The following OXCT1 variants were observed in gnomAD, a reference collection of about 807,000 sequenced individuals.
The protein encoded by OXCT1 is 3-oxoacid CoA-transferase 1, also known as succinyl-CoA:3-ketoacid coenzyme A transferase 1, mitochondrial.
A neutral mutation model predicts 69.6 loss-of-function variants in OXCT1; 27 were observed. The ratio of observed to expected loss-of-function variants is 0.39; its 90% confidence interval spans 0.29 to 0.54. The LOEUF is 0.54. OXCT1 is among the 20% of genes least tolerant of loss of function. The probability of loss-of-function intolerance (pLI) is 0.72; values close to 1 mark genes in which losing one functional copy is unlikely to be tolerated. For missense variants in OXCT1, 437 were observed against 650.2 expected (o/e 0.67, Z 3.57); for synonymous variants, 202 against 217.8 (o/e 0.93, Z 0.64).
chr5:41,745,096 C>T (rs1743400938), intron 15 of OXCT1, among the ~76,000 whole-genome samples: 1 of 152,088 alleles, frequency 6.6e-6, no homozygotes, highest in Non-Finnish European at 1.5e-5. Flanking sequence ...ACAGAATATA[C>T]ATTATTTTCA....
At position 41,805,550 on chromosome 5, in the gene OXCT1, A is replaced by G. The variant is rs1263229065; in HGVS notation, c.955+17T>C. ...AAAGGCTATGTCTTTGCCCGGGCTC[A>G]GAAGGATAAAGGATACCATACATGC... On this transcript the variant is annotated intron_variant, in intron 9 of 16. Coordinates refer to ENST00000196371, the MANE Select transcript of OXCT1 (RefSeq NM_000436.4). 6.4e-7 allele frequency: 1 copy of G among 1,556,900 alleles called. No individual in the cohort carries two copies. The highest frequency in any genetic ancestry group is 1.4e-5 in the African/African-American group (1 of 73,750).
At chr5:41,811,475 G>T (rs1313751711) in intron 7 of OXCT1, among the ~76,000 whole-genome samples, 1 of 151,988 alleles carries the variant, frequency 6.6e-6, no homozygotes, top group Non-Finnish European at 1.5e-5. Flanking sequence ...AGGCAATGTA[G>T]AGAAAGAGGA....
Position 41,870,240 on chromosome 5 carries a change from G to A in OXCT1, c.78+41C>T, listed in dbSNP as rs768478900. 1.3e-6 allele frequency: 2 copies of A among 1,515,892 alleles called. No individual in the cohort carries two copies. Among genetic ancestry groups the A allele is most frequent in the South Asian group, 2.3e-5 (2 of 88,880 alleles). The allele number at this position is 1,515,892 out of a possible 1,614,324, so 93.9% of individuals were successfully genotyped here. A position where few individuals can be genotyped will look rare whatever the true frequency, so the allele number is the denominator to read the frequency against. On this transcript the variant is annotated intron_variant, in intron 1 of 16. Coordinates refer to ENST00000196371, the MANE Select transcript of OXCT1 (RefSeq NM_000436.4). This position sits in a 1 kb window ranked among gnomAD's most constrained non-coding sequence, Gnocchi z 4.2. ...GGGCACCACTCAGGGTTTGGTCCAC[G>A]TTCTTCCTGCCCATGGCCTTCCTCT...
intron 7 of OXCT1, among the ~76,000 whole-genome samples, chr5:41,818,871 C>A (rs1375195592): frequency 6.6e-6 from 1 of 151,512 alleles, no homozygotes; most frequent in Admixed American, 6.6e-5. Flanking sequence ...CTTTAAGATG[C>A]CTTCTTTTAG....
chr5:41,754,414 T>C (rs1288659193), intron 14 of OXCT1, among the ~76,000 whole-genome samples: 1 of 152,142 alleles, frequency 6.6e-6, no homozygotes, highest in Non-Finnish European at 1.5e-5. Context: ...CTGATGTAGC[T>C]GGATTATTTG....
At chr5:41,853,731 T>C (rs189587979) in intron 3 of OXCT1, 177 bp from the exon 4 acceptor site, 113 of 731,266 alleles carry the variant, frequency 1.5e-4, no homozygotes, top group Non-Finnish European at 2.4e-4. Flanking sequence ...TATCCTTTTA[T>C]TTTACAGTTG....
intron 15 of OXCT1, among the ~76,000 whole-genome samples, chr5:41,741,659 A>C (rs1283525759): frequency 6.6e-6 from 1 of 152,202 alleles, no homozygotes; most frequent in Non-Finnish European, 1.5e-5. Context: ...CCCCAGAAAC[A>C]CACATCGCTG....
intron 15 of OXCT1, among the ~76,000 whole-genome samples, chr5:41,747,599 T>C (rs1743560878): frequency 6.6e-6 from 1 of 151,792 alleles, no homozygotes; most frequent in Admixed American, 6.6e-5. Flanking sequence ...ATTAGCTAGA[T>C]TAGGGAAGAT....
intron 14 of OXCT1, among the ~76,000 whole-genome samples, chr5:41,753,940 A>G (rs994532137): frequency 6.6e-6 from 1 of 152,120 alleles, no homozygotes; most frequent in African/African-American, 2.4e-5. Flanking sequence ...CAGCACAGCT[A>G]GCAGAAGCAC....
chr5:41,745,795 T>C (rs1309497229), intron 15 of OXCT1, among the ~76,000 whole-genome samples: 1 of 151,992 alleles, frequency 6.6e-6, no homozygotes, highest in African/African-American at 2.4e-5. Flanking sequence ...AACTAGAAAG[T>C]CTAGAAGAAA....
intron 7 of OXCT1, 90 bp downstream of exon 7, chr5:41,840,360 TA>T: frequency 2.1e-6 from 2 of 955,148 alleles, no homozygotes; most frequent in Non-Finnish European, 3.4e-6. Context: ...TTGTTATCCA[TA>T]AAACAAATGA....
intron 14 of OXCT1, among the ~76,000 whole-genome samples, chr5:41,754,740 TAGAG>T (rs1374356727): frequency 1.3e-5 from 2 of 152,010 alleles, no homozygotes. Context: ...AGGACTTCAG[TAGAG>T]AGACTCAGCT....
chr5:41,801,135 A>C, intron 10 of OXCT1, 65 bp from the exon 11 acceptor site: 2 of 1,181,432 alleles, frequency 1.7e-6, no homozygotes, highest in Non-Finnish European at 2.5e-6. Flanking sequence ...TATTAGAACT[A>C]TAATATAAAT....
intron 16 of OXCT1, among the ~76,000 whole-genome samples, chr5:41,738,723 T>C (rs144277048): frequency 5.9e-5 from 9 of 152,372 alleles, no homozygotes; most frequent in African/African-American, 1.9e-4. Flanking sequence ...AGCTAGGTGA[T>C]TGATTTATGA....
Position 41,861,762 on chromosome 5 carries a change from G to A in OXCT1, c.188-358C>T, listed in dbSNP as rs1295215382. Among the ~76,000 whole-genome samples, 5 of 152,260 alleles carry A rather than the reference G, an allele frequency of 3.3e-5. No homozygotes were observed. The East Asian group carries it at 7.7e-4, about 24-fold the overall frequency. ...TCAAGAATGTTAATATGTCTGAGTA[G>A]ATTTTGCATAGTTGGAAGCCTAAGC... On this transcript the variant is annotated intron_variant, in intron 2 of 16. Coordinates refer to ENST00000196371, the MANE Select transcript of OXCT1 (RefSeq NM_000436.4).
chr5:41,800,243 A>G (rs192991101), intron 11 of OXCT1, among the ~76,000 whole-genome samples: 1 of 152,230 alleles, frequency 6.6e-6, no homozygotes, highest in East Asian at 1.9e-4. Flanking sequence ...TCTAGTCCCC[A>G]GTTCAACAAA....
At chr5:41,752,941 A>C (rs1368737726) in intron 14 of OXCT1, among the ~76,000 whole-genome samples, 1 of 152,000 alleles carries the variant, frequency 6.6e-6, no homozygotes, top group Admixed American at 6.6e-5. Context: ...CACCATTTTC[A>C]AGTGACTAAA....
intron 15 of OXCT1, among the ~76,000 whole-genome samples, chr5:41,741,340 C>A (rs1285912475): frequency 6.6e-6 from 1 of 152,106 alleles, no homozygotes; most frequent in East Asian, 1.9e-4. Context: ...CAAGACACAG[C>A]AACACGTAGA....
intron 15 of OXCT1, among the ~76,000 whole-genome samples, chr5:41,740,912 C>A (rs976813813): frequency 2.0e-5 from 3 of 151,832 alleles, no homozygotes; most frequent in Admixed American, 1.3e-4. Context: ...CTCTCCTCTA[C>A]AGTTAACCTA....
Sources: gnomAD v4.1 joint callset for allele counts (sites outside exome capture counted in the v4.1 genomes callset) on GRCh38, gnomAD v4.1.1 for gene constraint, Gnocchi (gnomAD v3.1) non-coding constraint, MANE v1.5 for transcripts, NCBI Gene and HGNC (gene_info 2026-07-23, HGNC 2026-07-21) for gene names.